Variants in LYRM7 observed in about 807,000 individuals in gnomAD.
LYRM7 encodes complex III assembly factor LYRM7.
LYRM7 carries 9 observed loss-of-function variants against 15.8 expected under a neutral mutation model. The ratio of observed to expected loss-of-function variants is 0.57; its 90% CI spans 0.34 to 0.99. LYRM7 has a LOEUF of 0.99. LYRM7 is among the 50% of genes least tolerant of loss of function. The pLI is 0.02. For synonymous variants in LYRM7, 39 were observed against 39.4 expected (o/e 0.99, Z 0.04); for missense variants, 115 against 119.1 (o/e 0.97, Z 0.16).
At chr5:131,187,438 A>G (rs1267927736) in intron 4 of LYRM7, among the ~76,000 whole-genome samples, 9 of 150,568 alleles carry the variant, frequency 6.0e-5, no homozygotes, top group Non-Finnish European at 1.3e-4. Context: ...CTATTTCTTT[A>G]CCTTTTACTC....
intron 4 of LYRM7, among the ~76,000 whole-genome samples, chr5:131,188,227 A>C (rs1050280725): frequency 2.6e-5 from 4 of 152,154 alleles, no homozygotes; most frequent in African/African-American, 9.7e-5. Context: ...ACTGTACTCC[A>C]GCCTGGGCGA....
rs981404231 is a variant in LYRM7 at position 131,204,933 on chromosome 5, C to G, written c.*5332C>G. On this transcript the variant is annotated 3_prime_UTR_variant, in exon 5 of 5. Coordinates refer to ENST00000379380, the MANE Select transcript of LYRM7 (RefSeq NM_181705.4). ...AACTTTTATTCTATTTACTCCTGCA[C>G]GTTTAAATATTGTTTACAGTGAGTA... 6.6e-6 allele frequency: 1 copy of G among 151,974 alleles called. No individual in the cohort carries two copies. Among genetic ancestry groups the G allele is most frequent in the Non-Finnish European group, 1.5e-5 (1 of 67,956 alleles). The allele number at this position is 151,974 out of a possible 1,614,324, so 9.4% of individuals were successfully genotyped here.
At chr5:131,183,886 TA>T (rs1321423760) in intron 3 of LYRM7, among the ~76,000 whole-genome samples, 2 of 152,214 alleles carry the variant, frequency 1.3e-5, no homozygotes, top group Admixed American at 6.5e-5. Context: ...TATTATATGT[TA>T]AAAAGTAACA....
At chr5:131,184,993 A>C (rs1021364475) in intron 3 of LYRM7, among the ~76,000 whole-genome samples, 3 of 152,146 alleles carry the variant, frequency 2.0e-5, no homozygotes, top group African/African-American at 7.2e-5. Context: ...TTAAATATCA[A>C]AATATTAATA....
Position 131,204,419 on chromosome 5 carries a change from G to A in LYRM7, c.*4818G>A, listed in dbSNP as rs1756133314. 6.7e-6 allele frequency: 1 copy of A among 149,138 alleles called. No individual in the cohort carries two copies. Among genetic ancestry groups the A allele is most frequent in the East Asian group, 2.0e-4 (1 of 5,038 alleles). The allele number at this position is 149,138 out of a possible 1,614,324, so 9.2% of individuals were successfully genotyped here. ...TTAGGGTACAATGAAAGAAAAGGTG[G>A]CTTATTTATACTCTGGAATATTTTC... is the stretch of plus-strand genomic sequence containing the variant. On this transcript the variant is annotated 3_prime_UTR_variant, in exon 5 of 5. Coordinates refer to ENST00000379380, the MANE Select transcript of LYRM7 (RefSeq NM_181705.4).
At chr5:131,178,370 A>G (rs1159442110) in intron 1 of LYRM7, among the ~76,000 whole-genome samples, 1 of 152,194 alleles carries the variant, frequency 6.6e-6, no homozygotes, top group Non-Finnish European at 1.5e-5. Context: ...AGACATTTCT[A>G]AAGTTTCCAC....
At chr5:131,183,795 A>G (rs996872003) in intron 3 of LYRM7, among the ~76,000 whole-genome samples, 2 of 152,168 alleles carry the variant, frequency 1.3e-5, no homozygotes, top group Non-Finnish European at 2.9e-5. Flanking sequence ...CTTTGTTTAT[A>G]TCATTATTTA....
chr5:131,181,316 T>TATATATATATATATATATATATATAC (rs1208669077), intron 2 of LYRM7, among the ~76,000 whole-genome samples: 5 of 27,644 alleles, frequency 1.8e-4, no homozygotes, highest in Non-Finnish European at 1.5e-4. Flanking sequence ...TATATATATA[T>TATATATATATATATATATATATATAC]ACACACACAC....
intron 4 of LYRM7, among the ~76,000 whole-genome samples, chr5:131,197,846 CTGTGTGTGTGTG>C (rs56146861): frequency 9.1e-5 from 13 of 143,382 alleles, no homozygotes; most frequent in South Asian, 2.3e-4. Context: ...CATCTGGCCA[CTGTGTGTGTGTG>C]TGTGTGTGTG....
intron 2 of LYRM7, 130 bp from the exon 3 acceptor site, chr5:131,182,099 T>G: frequency 1.2e-6 from 1 of 802,550 alleles, no homozygotes; most frequent in Non-Finnish European, 1.8e-6. Context: ...CTTATTCTTA[T>G]GCTTTGTTTT....
intron 4 of LYRM7, among the ~76,000 whole-genome samples, chr5:131,191,981 C>T (rs185902933): frequency 1.9e-4 from 28 of 149,616 alleles, no homozygotes; most frequent in African/African-American, 6.9e-4. Context: ...AACCAAGATA[C>T]GGAATCAACC....
intron 2 of LYRM7, 120 bp downstream of exon 2, chr5:131,180,287 A>G (rs1199399277): frequency 1.0e-5 from 6 of 583,090 alleles, no homozygotes; most frequent in Non-Finnish European, 3.0e-6. Context: ...CCTCTCTCTG[A>G]TATCTTTTAT....
intron 1 of LYRM7, among the ~76,000 whole-genome samples, chr5:131,173,925 A>G (rs1755560610): frequency 1.3e-5 from 2 of 152,244 alleles, no homozygotes; most frequent in African/African-American, 4.8e-5. Context: ...GGTTAAGATG[A>G]CTGTGACAAT....
chr5:131,190,195 C>CGTTTT (rs1755863535), intron 4 of LYRM7, among the ~76,000 whole-genome samples: 1 of 150,006 alleles, frequency 6.7e-6, no homozygotes, highest in South Asian at 2.1e-4. Context: ...ATGGTTTTTT[C>CGTTTT]GTTTTGTTTT....
chr5:131,184,157 G>A (rs1029917390), intron 3 of LYRM7, among the ~76,000 whole-genome samples: 2 of 151,850 alleles, frequency 1.3e-5, no homozygotes, highest in African/African-American at 4.8e-5. Context: ...TTTAGTAGAC[G>A]GGTTTCACCA....
At position 131,182,298 on chromosome 5, in the gene LYRM7, A is replaced by G. The variant is rs1489543466; in HGVS notation, c.161A>G (p.Glu54Gly). ...GAAACTTCTTCTAAGAAAATAGAAG[A>G]GGTACAGTAATTTTTTCAATTATAG... Reference protein sequence around the residue: ...KSETSSKKIEELMKIGSDVEL... With the variant: ...KSETSSKKIEGLMKIGSDVEL... The change falls in exon 3 of 5, where the codon GAG (glutamate) becomes GGG (glycine). Residue 54 changes from glutamate (E) to glycine (G), a missense_variant and splice_region_variant. Coordinates refer to ENST00000379380, the MANE Select transcript of LYRM7 (RefSeq NM_181705.4). The G allele has an allele frequency of 3.6e-6, 5 of 1,395,374 alleles. No homozygotes were observed. The highest frequency in any genetic ancestry group is 2.6e-5 in the East Asian group (1 of 38,306). The allele number at this position is 1,395,374 out of a possible 1,614,324, so 86.4% of individuals were successfully genotyped here. A position where few individuals can be genotyped will look rare whatever the true frequency, so the allele number is the denominator to read the frequency against.
chr5:131,191,300 T>C (rs898189504), intron 4 of LYRM7, among the ~76,000 whole-genome samples: 2 of 152,156 alleles, frequency 1.3e-5, no homozygotes, highest in African/African-American at 4.8e-5. Context: ...GTGTCTATAC[T>C]GTCACGTAGA....
In LYRM7 at chr5:131,203,183, G is replaced by C. The variant is rs1228516121; in HGVS notation, c.*3582G>C. On this transcript the variant is annotated 3_prime_UTR_variant, in exon 5 of 5. Transcript: ENST00000379380. ...TGAAGGTGAGTTTTCTGAAGCCAAA[G>C]TGGATACATGCAAAATTAATATAGT... is the stretch of plus-strand genomic sequence containing the variant. 6.6e-6 allele frequency: 1 copy of C among 152,328 alleles called. No individual in the cohort carries two copies. The highest frequency in any genetic ancestry group is 6.5e-5 in the Admixed American group (1 of 15,268). 9.4% of individuals were successfully genotyped at this position (152,328 alleles called of 1,614,324 possible). A position where few individuals can be genotyped will look rare whatever the true frequency, so the allele number is the denominator to read the frequency against.
At chr5:131,177,470 C>T (rs78650768) in intron 1 of LYRM7, among the ~76,000 whole-genome samples, 11,417 of 152,090 alleles carry the variant, frequency 0.075, 1,175 homozygotes, top group African/African-American at 0.24. Flanking sequence ...ATGTATTTGC[C>T]CTTGTCTTTG....
Sources: gnomAD v4.1 joint callset for allele counts (sites outside exome capture counted in the v4.1 genomes callset) on GRCh38, gnomAD v4.1.1 for gene constraint, MANE v1.5 for transcripts, NCBI Gene and HGNC (gene_info 2026-07-23, HGNC 2026-07-21) for gene names.